Variants in ANKRD36C observed in about 807,000 individuals in gnomAD.
The protein encoded by ANKRD36C is ankyrin repeat domain 36C.
In ANKRD36C, 61 loss-of-function variants were observed where a neutral mutation model predicts 276.4. The ratio of observed to expected loss-of-function variants is 0.22; its 90% CI spans 0.18 to 0.27. The LOEUF is 0.27. Ranked by LOEUF, ANKRD36C falls within the 10% of genes least tolerant of loss-of-function variation. The probability of loss-of-function intolerance (pLI) is 1.00; values close to 1 mark genes in which losing one functional copy is unlikely to be tolerated. For synonymous variants in ANKRD36C, 483 were observed against 680.1 expected, an observed-to-expected ratio of 0.71 and a Z score of 4.51; for missense variants, 1,447 against 2,032.3, an observed-to-expected ratio of 0.71 and a Z score of 5.54.
chr2:95,914,176 G>A, exon 40 of ANKRD36C: 2 of 1,584,480 alleles, frequency 1.3e-6, no homozygotes, highest in Non-Finnish European at 1.7e-6. Flanking sequence ...CTCGTCACTT[G>A]TAGCCTGAAT....
At chr2:95,870,468 G>C (rs893905811) in intron 59 of ANKRD36C, among the ~76,000 whole-genome samples, 8 of 152,136 alleles carry the variant, frequency 5.3e-5, no homozygotes, top group African/African-American at 1.9e-4. Flanking sequence ...TCTGGTAGAA[G>C]GAAAACTAAC....
At chr2:95,880,961 G>A (rs1342836434) in intron 56 of ANKRD36C, among the ~76,000 whole-genome samples, 1 of 152,204 alleles carries the variant, frequency 6.6e-6, no homozygotes. Context: ...AGAAATAAGT[G>A]TAAAAGCTGG....
At chr2:95,975,311 C>T (rs899001222) in intron 6 of ANKRD36C, among the ~76,000 whole-genome samples, 1 of 152,162 alleles carries the variant, frequency 6.6e-6, no homozygotes, top group Non-Finnish European at 1.5e-5. Context: ...AAAGAGCCCA[C>T]ATCACCAAGT....
intron 6 of ANKRD36C, among the ~76,000 whole-genome samples, chr2:95,963,922 C>A: frequency 1.8e-5 from 2 of 112,926 alleles, no homozygotes; most frequent in Non-Finnish European, 1.7e-5. Context: ...TATTAATAAC[C>A]AACCAAATAT....
At position 95,891,820 on chromosome 2, in the gene ANKRD36C, C is replaced by G; in HGVS notation, c.2784+12G>C. On this transcript the variant is annotated intron_variant, in intron 45 of 66. Coordinates refer to ENST00000456556, the Ensembl canonical transcript of ANKRD36C. Reference sequence around the variant, plus strand: ...ATTTACTAGTTCACAATATAAATGACAGTTTCATTACCTTCAAGCCTGATG... The same window carrying G: ...ATTTACTAGTTCACAATATAAATGAGAGTTTCATTACCTTCAAGCCTGATG... The G allele has an allele frequency of 1.9e-6, 3 of 1,559,550 alleles. No homozygotes were observed. The highest frequency in any genetic ancestry group is 1.9e-5 in the Admixed American group (1 of 52,598).
At chr2:95,912,366 T>A (rs774323156) in intron 41 of ANKRD36C, 41 bp downstream of exon 43, 26 of 1,603,220 alleles carry the variant, frequency 1.6e-5, no homozygotes, top group South Asian at 4.4e-5. Context: ...TTCATAGGCT[T>A]TACGTTTACT....
Position 95,950,798 on chromosome 2 carries a change from A to C in ANKRD36C, c.1265-19T>G. On this transcript the variant is annotated intron_variant, in intron 15 of 66. Transcript: ENST00000456556. Reference sequence around the variant, plus strand: ...GGAAGCACTATTAAAGAAAAAGTAAAATGCATTTTAAATCAACAATAGAAC... The same window carrying C: ...GGAAGCACTATTAAAGAAAAAGTAACATGCATTTTAAATCAACAATAGAAC... 1 of 1,533,180 alleles carries C rather than the reference A, an allele frequency of 6.5e-7. No individual in the cohort carries two copies. The highest frequency in any genetic ancestry group is 8.7e-7 in the Non-Finnish European group (1 of 1,143,928). 95.0% of individuals were successfully genotyped at this position (1,533,180 alleles called of 1,614,324 possible). A position where few individuals can be genotyped will look rare whatever the true frequency, so the allele number is the denominator to read the frequency against.
intron 17 of ANKRD36C, among the ~76,000 whole-genome samples, chr2:95,945,881 T>C (rs1313169786): frequency 2.4e-4 from 37 of 152,142 alleles, no homozygotes; most frequent in African/African-American, 8.4e-4. Flanking sequence ...CTGAGGTAAG[T>C]TATTTTTAAA....
At chr2:95,932,267 T>A (rs1260245470) in intron 24 of ANKRD36C, among the ~76,000 whole-genome samples, 1 of 152,106 alleles carries the variant, frequency 6.6e-6, no homozygotes, top group African/African-American at 2.4e-5. Context: ...AGCATATCCA[T>A]GTTGGTATGT....
chr2:95,856,038 T>C, exon 63 of ANKRD36C: 2 of 1,609,022 alleles, frequency 1.2e-6, no homozygotes, highest in South Asian at 2.2e-5. Context: ...ATGCTTTCTT[T>C]TCACAATTTC....
At chr2:95,944,540 A>G in intron 19 of ANKRD36C, 87 bp downstream of exon 19, 8 of 1,292,082 alleles carry the variant, frequency 6.2e-6, no homozygotes, top group Non-Finnish European at 8.4e-6. Context: ...TTGTAAAATT[A>G]AAGATCATTA....
rs555247875 is a variant in ANKRD36C, at chr2:95,919,366, C to T, written c.2246-1324G>A. Among the ~76,000 whole-genome samples the T allele has an allele frequency of 1.3e-4, 18 of 133,414 alleles. 5 individuals carry two copies. The highest frequency in any genetic ancestry group is 6.9e-3 in the Middle Eastern group (2 of 290). The allele number at this position is 133,414 out of a possible 152,430, so 87.5% of individuals were successfully genotyped here. Reference sequence around the variant, plus strand: ...AGTTTTCTGTCTTTTCTTAGCAGTACGATGTGACGTCTGTAAAATCTGTAC... The same window carrying T: ...AGTTTTCTGTCTTTTCTTAGCAGTATGATGTGACGTCTGTAAAATCTGTAC... On this transcript the variant is annotated intron_variant, in intron 34 of 66. Coordinates refer to ENST00000456556, the Ensembl canonical transcript of ANKRD36C.
intron 46 of ANKRD36C, 117 bp downstream of exon 66, chr2:95,891,548 T>C: frequency 3.0e-6 from 4 of 1,313,346 alleles, no homozygotes; most frequent in Admixed American, 5.0e-5. Flanking sequence ...ATGAAGAATC[T>C]CAGGACTGCT....
intron 6 of ANKRD36C, among the ~76,000 whole-genome samples, chr2:95,963,430 T>C (rs528456075): frequency 5.3e-4 from 81 of 151,614 alleles, no homozygotes; most frequent in African/African-American, 1.9e-3. Context: ...CATGTTATTC[T>C]CTGAAGAATT....
chr2:95,923,758 G>A (rs1677337381), intron 30 of ANKRD36C, 69 bp from the exon 31 acceptor site: 2 of 1,590,832 alleles, frequency 1.3e-6, no homozygotes, highest in Admixed American at 1.7e-5. Flanking sequence ...CATTCATGAA[G>A]TGTTAGAATC....
At chr2:95,927,676 A>G (rs555277209) in intron 26 of ANKRD36C, among the ~76,000 whole-genome samples, 25 of 151,794 alleles carry the variant, frequency 1.6e-4, no homozygotes, top group Admixed American at 1.6e-3. Context: ...GTCAATATCA[A>G]TGTGGATATG....
At chr2:95,883,084 C>G (rs910682022) in intron 54 of ANKRD36C, among the ~76,000 whole-genome samples, 1 of 152,084 alleles carries the variant, frequency 6.6e-6, no homozygotes, top group African/African-American at 2.4e-5. Flanking sequence ...CTCAAACCCA[C>G]GTGGTGTAAT....
At chr2:95,976,405 C>T (rs1678810593) in intron 6 of ANKRD36C, among the ~76,000 whole-genome samples, 1 of 152,126 alleles carries the variant, frequency 6.6e-6, no homozygotes, top group Admixed American at 6.5e-5. Flanking sequence ...TGGAGAGAGT[C>T]GGGATGTATG....
At chr2:95,986,799 C>G (rs1679036611) in exon 3 of ANKRD36C, 2 of 1,611,780 alleles carry the variant, frequency 1.2e-6, no homozygotes, top group Non-Finnish European at 1.7e-6. Context: ...GTTTTTCTAT[C>G]ATGGATGTAT....
Sources: gnomAD v4.1 joint callset for allele counts (sites outside exome capture counted in the v4.1 genomes callset) on GRCh38, gnomAD v4.1.1 for gene constraint, MANE v1.5 for transcripts, NCBI Gene and HGNC (gene_info 2026-07-23, HGNC 2026-07-21) for gene names.